SLC24A2: variants seen among roughly 807,000 people sequenced by gnomAD.
The protein encoded by SLC24A2 is solute carrier family 24 member 2, also known as sodium/potassium/calcium exchanger 2.
A neutral mutation model predicts 62.0 loss-of-function variants in SLC24A2; 36 were observed. That is an observed-to-expected ratio of 0.58 (90% CI 0.44 to 0.77). The LOEUF (loss-of-function observed/expected upper bound fraction) is 0.77, where lower values mean the gene tolerates loss of function less well. Among genes scored for constraint, SLC24A2 ranks in the 30% least tolerant of loss-of-function variants. SLC24A2 has a pLI of 0.00. For missense variants in SLC24A2, 846 were observed against 817.9 expected (o/e 1.03, Z -0.42); for synonymous variants, 358 against 294.0 (o/e 1.22, Z -2.23).
At chr9:19,536,036 C>G (rs543071347) in intron 8 of SLC24A2, among the ~76,000 whole-genome samples, 11 of 152,002 alleles carry the variant, frequency 7.2e-5, no homozygotes, top group Admixed American at 3.9e-4. Flanking sequence ...GTTTGCAGTT[C>G]TCCTTGAAGA....
the SLC24A2 span, among the ~76,000 whole-genome samples, chr9:20,226,195 C>T: frequency 1.5e-4 from 23 of 152,122 alleles, no homozygotes; most frequent in Admixed American, 1.2e-3. Context: ...AGTCTTCTTC[C>T]ATCTCCCATT....
At chr9:19,853,186 T>A in the SLC24A2 span, among the ~76,000 whole-genome samples, 461 of 152,346 alleles carry the variant, frequency 3.0e-3, 1 homozygote, top group African/African-American at 0.011. Flanking sequence ...TGAAGTTGTT[T>A]ATCAGCTTAA....
intron 2 of SLC24A2, among the ~76,000 whole-genome samples, chr9:19,708,912 T>G (rs1447161835): frequency 6.6e-6 from 1 of 152,104 alleles, no homozygotes; most frequent in African/African-American, 2.4e-5. Flanking sequence ...AAATGGGATC[T>G]AATTAAACTA....
intron 2 of SLC24A2, among the ~76,000 whole-genome samples, chr9:19,749,052 C>A (rs1821913168): frequency 6.7e-6 from 1 of 149,566 alleles, no homozygotes; most frequent in East Asian, 2.0e-4. Flanking sequence ...CCATCATAAG[C>A]CCCTGAGGTT....
the SLC24A2 span, among the ~76,000 whole-genome samples, chr9:19,975,581 G>A: frequency 2.6e-4 from 39 of 152,288 alleles, no homozygotes; most frequent in African/African-American, 9.4e-4. Flanking sequence ...ACAGGGTTTA[G>A]TACAAGGATA....
chr9:19,959,124 G>C, the SLC24A2 span, among the ~76,000 whole-genome samples: 2 of 152,170 alleles, frequency 1.3e-5, no homozygotes, highest in African/African-American at 4.8e-5. Flanking sequence ...CAAGATGTGA[G>C]TACCGTAGAT....
chr9:19,652,561 G>C (rs1256565971), intron 2 of SLC24A2, among the ~76,000 whole-genome samples: 2 of 152,236 alleles, frequency 1.3e-5, no homozygotes, highest in East Asian at 1.9e-4. Flanking sequence ...AATCTCACTA[G>C]AAGATTGAAG....
At chr9:20,107,943 T>A in the SLC24A2 span, among the ~76,000 whole-genome samples, 1 of 151,994 alleles carries the variant, frequency 6.6e-6, no homozygotes, top group Non-Finnish European at 1.5e-5. Flanking sequence ...CGCAACCTAC[T>A]CATCTGACAA....
At chr9:20,214,001 G>A in the SLC24A2 span, among the ~76,000 whole-genome samples, 2 of 152,264 alleles carry the variant, frequency 1.3e-5, no homozygotes, top group South Asian at 4.1e-4. Context: ...TTGTCATAAT[G>A]TCTTCAATGT....
the SLC24A2 span, among the ~76,000 whole-genome samples, chr9:20,184,818 G>A: frequency 6.6e-6 from 1 of 152,064 alleles, no homozygotes; most frequent in Admixed American, 6.5e-5. Flanking sequence ...GTTCACTGCA[G>A]TGTTATTCAT....
the SLC24A2 span, chr9:19,929,440 A>G: frequency 2.6e-5 from 4 of 152,190 alleles, no homozygotes; most frequent in African/African-American, 7.2e-5. Flanking sequence ...TCAACAACAG[A>G]TCAAATATAT....
At chr9:19,878,603 T>C in the SLC24A2 span, among the ~76,000 whole-genome samples, 513 of 152,214 alleles carry the variant, frequency 3.4e-3, 3 homozygotes, top group African/African-American at 0.012. Context: ...GATTTCCCCC[T>C]TTGGTGCTGA....
intron 6 of SLC24A2, among the ~76,000 whole-genome samples, chr9:19,575,275 TAAA>T (rs953557740): frequency 1.3e-5 from 2 of 152,152 alleles, no homozygotes; most frequent in African/African-American, 4.8e-5. Flanking sequence ...GTTATTTAAA[TAAA>T]AAATCATGAA....
At chr9:19,577,716 G>C (rs1368149502) in intron 5 of SLC24A2, among the ~76,000 whole-genome samples, 1 of 151,934 alleles carries the variant, frequency 6.6e-6, no homozygotes, top group Admixed American at 6.6e-5. Flanking sequence ...GAGATGCTTT[G>C]GGAATGGTGC....
the SLC24A2 span, among the ~76,000 whole-genome samples, chr9:19,873,527 C>CATTT: frequency 7.8e-6 from 1 of 127,826 alleles, no homozygotes; most frequent in Admixed American, 7.4e-5. Context: ...CTCTCTCCTT[C>CATTT]CTTTCTTTCT....
chr9:20,201,385 G>A, the SLC24A2 span, among the ~76,000 whole-genome samples: 7 of 152,186 alleles, frequency 4.6e-5, no homozygotes, highest in African/African-American at 1.4e-4. Context: ...AACAACTGGT[G>A]TGGCTACTGA....
chr9:20,229,982 T>C, the SLC24A2 span, among the ~76,000 whole-genome samples: 4 of 150,502 alleles, frequency 2.7e-5, no homozygotes, highest in Admixed American at 2.7e-4. Context: ...GAACATGTGG[T>C]GTTTGGTTTT....
the SLC24A2 span, among the ~76,000 whole-genome samples, chr9:20,028,468 C>A: frequency 6.6e-6 from 1 of 152,160 alleles, no homozygotes; most frequent in African/African-American, 2.4e-5. Context: ...TTCCATCTGT[C>A]TAAAAATGGG....
intron 2 of SLC24A2, among the ~76,000 whole-genome samples, chr9:19,685,643 A>G (rs994596284): frequency 2.0e-5 from 3 of 152,080 alleles, no homozygotes; most frequent in East Asian, 3.9e-4. Context: ...GATATTCAAC[A>G]AAGTCAACAA....
Sources: gnomAD v4.1 joint callset for allele counts (sites outside exome capture counted in the v4.1 genomes callset) on GRCh38, gnomAD v4.1.1 for gene constraint, MANE v1.5 for transcripts, NCBI Gene and HGNC (gene_info 2026-07-23, HGNC 2026-07-21) for gene names.